The following CTNNA2 variants were observed in gnomAD, a reference collection of about 807,000 sequenced individuals.
The protein encoded by CTNNA2 is catenin alpha 2.
Under a neutral mutation model 101.0 loss-of-function variants are expected in CTNNA2, and 42 were observed. The ratio of observed to expected loss-of-function variants is 0.42; its 90% CI spans 0.32 to 0.54. The LOEUF (loss-of-function observed/expected upper bound fraction) is 0.54, where lower values mean the gene tolerates loss of function less well. CTNNA2 is among the 20% of genes least tolerant of loss of function. CTNNA2 has a pLI of 0.14. For missense variants in CTNNA2, 871 were observed against 1,223.1 expected (o/e 0.71, Z 4.29); for synonymous variants, 450 against 456.4 (o/e 0.99, Z 0.18).
intron 4 of CTNNA2, among the ~76,000 whole-genome samples, chr2:79,403,458 A>G (rs1266277091): frequency 6.6e-6 from 1 of 151,914 alleles, no homozygotes; most frequent in Non-Finnish European, 1.5e-5. Context: ...TATTTTAAGT[A>G]CTCCCTAGCC....
At chr2:79,746,492 T>A (rs1671656813) in intron 3 of CTNNA2, among the ~76,000 whole-genome samples, 1 of 152,232 alleles carries the variant, frequency 6.6e-6, no homozygotes, top group Admixed American at 6.5e-5. Context: ...GTCTCTCTCC[T>A]GCATTTTCTG....
chr2:79,723,071 T>C (rs1055854242), intron 2 of CTNNA2, among the ~76,000 whole-genome samples: 1 of 152,186 alleles, frequency 6.6e-6, no homozygotes, highest in African/African-American at 2.4e-5. Context: ...ATAAAAATAC[T>C]TTATTTTTTT....
In CTNNA2 at chr2:80,245,896, G is replaced by A. The variant is rs569192897; in HGVS notation, c.1057-147315G>A. Among the ~76,000 whole-genome samples the A allele has an allele frequency of 1.2e-3, 150 of 126,550 alleles. 1 individual carries two copies. Among genetic ancestry groups the A allele is most frequent in the Middle Eastern group, 4.9e-3 (1 of 204 alleles). 83.0% of individuals were successfully genotyped at this position (126,550 alleles called of 152,430 possible). ...TGCAAGCTCTGCCTTCCGGATTCAC[G>A]CCATTCTCCTGCCTCAGCCTTCCGA... On this transcript the variant is annotated intron_variant, in intron 7 of 18. Coordinates refer to ENST00000402739, the MANE Select transcript of CTNNA2 (RefSeq NM_001282597.3).
At chr2:79,815,646 T>A (rs139589740) in intron 3 of CTNNA2, among the ~76,000 whole-genome samples, 20 of 152,314 alleles carry the variant, frequency 1.3e-4, no homozygotes, top group African/African-American at 4.8e-4. Context: ...AGTATCACAC[T>A]GTTTTGGTGA....
chr2:80,163,965 A>G (rs1382525314), intron 7 of CTNNA2, among the ~76,000 whole-genome samples: 1 of 151,420 alleles, frequency 6.6e-6, no homozygotes. Context: ...TTTCATATAT[A>G]TGTATTTTTT....
chr2:79,318,687 C>T (rs1162547584), intron 3 of CTNNA2, among the ~76,000 whole-genome samples: 1 of 152,200 alleles, frequency 6.6e-6, no homozygotes, highest in African/African-American at 2.4e-5. Flanking sequence ...TAGCCTGCTG[C>T]CTGTTTTTAT....
At chr2:79,443,030 T>C (rs898160718) in intron 4 of CTNNA2, among the ~76,000 whole-genome samples, 2 of 152,140 alleles carry the variant, frequency 1.3e-5, no homozygotes, top group South Asian at 2.1e-4. Flanking sequence ...CACCCTAAGA[T>C]ACTGACAAGG....
intron 2 of CTNNA2, among the ~76,000 whole-genome samples, chr2:79,273,805 CTT>C (rs201345581): frequency 2.1e-5 from 3 of 145,726 alleles, no homozygotes; most frequent in East Asian, 2.0e-4. Flanking sequence ...GCAAGCTGCA[CTT>C]TTTTTTTTTT....
chr2:79,502,612 G>C (rs570009226), intron 4 of CTNNA2, among the ~76,000 whole-genome samples: 1 of 152,074 alleles, frequency 6.6e-6, no homozygotes, highest in Non-Finnish European at 1.5e-5. Flanking sequence ...GCTGAGTGCT[G>C]GGGTAATAGT....
intron 5 of CTNNA2, among the ~76,000 whole-genome samples, chr2:79,506,032 A>G (rs1671405914): frequency 6.6e-6 from 1 of 152,220 alleles, no homozygotes; most frequent in African/African-American, 2.4e-5. Context: ...ATAATAATAC[A>G]CAATGTAAAC....
chr2:79,567,765 T>C (rs1041748769), intron 1 of CTNNA2, among the ~76,000 whole-genome samples: 27 of 152,048 alleles, frequency 1.8e-4, no homozygotes, highest in East Asian at 5.8e-4. Context: ...TATTCCACAA[T>C]ACAGCATAGT....
At chr2:79,870,005 C>T in intron 5 of CTNNA2, 70 bp downstream of exon 5, 1 of 1,550,860 alleles carries the variant, frequency 6.4e-7, no homozygotes, top group Non-Finnish European at 8.8e-7. Flanking sequence ...CTTTTTAGGC[C>T]TGAACAATGG....
intron 3 of CTNNA2, among the ~76,000 whole-genome samples, chr2:79,782,185 C>G (rs1191903471): frequency 6.6e-6 from 1 of 151,990 alleles, no homozygotes; most frequent in Admixed American, 6.6e-5. Context: ...AATAAGCAAA[C>G]TTTGGAAGAG....
intron 2 of CTNNA2, among the ~76,000 whole-genome samples, chr2:79,201,069 T>A (rs1242601729): frequency 6.6e-6 from 1 of 151,982 alleles, no homozygotes; most frequent in Non-Finnish European, 1.5e-5. Flanking sequence ...ACCCCTTAAG[T>A]AATCAAAATA....
intron 7 of CTNNA2, among the ~76,000 whole-genome samples, chr2:80,171,013 T>C (rs1463980066): frequency 6.6e-6 from 1 of 152,212 alleles, no homozygotes; most frequent in Non-Finnish European, 1.5e-5. Context: ...CAATATAAGT[T>C]GTTGATTAGC....
chr2:79,979,382 C>A (rs369772754), intron 7 of CTNNA2, among the ~76,000 whole-genome samples: 1 of 151,934 alleles, frequency 6.6e-6, no homozygotes, highest in Non-Finnish European at 1.5e-5. Context: ...GACCCTATCT[C>A]TAAAAAAGGA....
chr2:80,541,229 C>CAT, intron 9 of CTNNA2, among the ~76,000 whole-genome samples: 1 of 152,138 alleles, frequency 6.6e-6, no homozygotes, highest in Admixed American at 6.5e-5. Flanking sequence ...TCCTTAGCAT[C>CAT]ATATTGGAAA....
intron 7 of CTNNA2, among the ~76,000 whole-genome samples, chr2:80,390,616 G>T (rs1677423284): frequency 6.6e-6 from 1 of 152,108 alleles, no homozygotes; most frequent in Non-Finnish European, 1.5e-5. Context: ...AATACAGGAT[G>T]CCCAGTTAAT....
chr2:79,659,585 T>A (rs1681871044), intron 2 of CTNNA2, among the ~76,000 whole-genome samples: 1 of 152,216 alleles, frequency 6.6e-6, no homozygotes, highest in Admixed American at 6.5e-5. Flanking sequence ...ATTAACCCAT[T>A]TCCAAGTATA....
Sources: allele counts gnomAD v4.1 joint callset (sites outside exome capture counted in the v4.1 genomes callset), GRCh38; gene constraint gnomAD v4.1.1; transcripts MANE v1.5; gene names NCBI Gene and HGNC (gene_info 2026-07-23, HGNC 2026-07-21).